The following TENM1 variants were observed in gnomAD, a reference collection of about 807,000 sequenced individuals.
TENM1 encodes the protein teneurin transmembrane protein 1.
In TENM1, 35 loss-of-function variants were observed where a neutral mutation model predicts 174.8. The ratio of observed to expected loss-of-function variants is 0.20; its 90% CI spans 0.15 to 0.27. TENM1 has a LOEUF of 0.27. Ranked by LOEUF, TENM1 falls within the 10% of genes least tolerant of loss-of-function variation. TENM1 has a pLI of 1.00. For missense variants in TENM1, 1,633 were observed against 2,130.1 expected, an observed-to-expected ratio of 0.77 and a Z score of 4.59; for synonymous variants, 781 against 798.7, an observed-to-expected ratio of 0.98 and a Z score of 0.37.
At chrX:124,392,536 G>T (rs915727437) in intron 27 of TENM1, among the ~76,000 whole-genome samples, 188 bp from the exon 31 acceptor site, 1 of 111,666 alleles carries the variant, frequency 9.0e-6, no homozygotes, top group Non-Finnish European at 1.9e-5. Context: ...CTCTCAGAGA[G>T]CAGGGCTATG....
At chrX:124,985,417 G>A in the TENM1 span, among the ~76,000 whole-genome samples, 14 of 112,149 alleles carry the variant, frequency 1.2e-4, no homozygotes, top group African/African-American at 4.5e-4. Context: ...TTGATGCAGT[G>A]TCACCTTAAA....
At chrX:124,663,454 T>C (rs1324792408) in intron 6 of TENM1, among the ~76,000 whole-genome samples, 3 of 112,380 alleles carry the variant, frequency 2.7e-5, no homozygotes, top group Non-Finnish European at 5.6e-5. Flanking sequence ...AAAAGGCTAG[T>C]AAATGTTTAA....
At chrX:124,540,885 A>G (rs1433281937) in intron 15 of TENM1, among the ~76,000 whole-genome samples, 1 of 111,603 alleles carries the variant, frequency 9.0e-6, no homozygotes, top group Non-Finnish European at 1.9e-5. Flanking sequence ...ACCTCCTGAT[A>G]TTGCTCCTTA....
intron 9 of TENM1, among the ~76,000 whole-genome samples, chrX:124,645,940 C>T (rs1271709040): frequency 9.0e-6 from 1 of 111,347 alleles, no homozygotes; most frequent in Admixed American, 9.6e-5. Flanking sequence ...CCCCCACCTC[C>T]TCAAGATCTA....
intron 22 of TENM1, among the ~76,000 whole-genome samples, chrX:124,470,845 T>A (rs1332539367): frequency 9.2e-6 from 1 of 108,942 alleles, no homozygotes; most frequent in African/African-American, 3.3e-5. Context: ...GAGAGCTGAG[T>A]CCTCAGAAAT....
intron 4 of TENM1, among the ~76,000 whole-genome samples, chrX:124,731,337 G>A (rs1260836337): frequency 1.8e-5 from 2 of 111,733 alleles, no homozygotes; most frequent in African/African-American, 6.5e-5. Context: ...GACTTGAAAT[G>A]GTAAAATCAA....
At chrX:124,760,180 C>T (rs1472766920) in intron 3 of TENM1, among the ~76,000 whole-genome samples, 3 of 111,758 alleles carry the variant, frequency 2.7e-5, no homozygotes. Context: ...GGCCTGTTAG[C>T]ATCTCACTTT....
chrX:125,117,741 T>G, the TENM1 span, among the ~76,000 whole-genome samples: 1 of 110,906 alleles, frequency 9.0e-6, no homozygotes, highest in East Asian at 2.9e-4. Flanking sequence ...TTGGCAAGGA[T>G]TCAGAGAAAA....
chrX:125,185,116 CAAAT>C, the TENM1 span, among the ~76,000 whole-genome samples: 1 of 111,817 alleles, frequency 8.9e-6, no homozygotes, highest in East Asian at 2.8e-4. Context: ...GAAGGGTAAA[CAAAT>C]GAATGCAATA....
chrX:124,409,944 C>T (rs1357423308), intron 25 of TENM1, among the ~76,000 whole-genome samples: 3 of 109,540 alleles, frequency 2.7e-5, no homozygotes, highest in Non-Finnish European at 3.8e-5. Context: ...GCCATACTGC[C>T]CAAGGTAATT....
intron 3 of TENM1, among the ~76,000 whole-genome samples, chrX:124,796,443 G>A (rs2055306691): frequency 9.0e-6 from 1 of 111,546 alleles, no homozygotes; most frequent in Non-Finnish European, 1.9e-5. Flanking sequence ...CACTATTTTG[G>A]AACAGATAAC....
the TENM1 span, among the ~76,000 whole-genome samples, chrX:125,039,104 C>T: frequency 9.0e-6 from 1 of 111,453 alleles, no homozygotes; most frequent in African/African-American, 3.2e-5. Flanking sequence ...TTTATCACAT[C>T]TCTATCTTTA....
chrX:124,532,014 G>C (rs2048119159), intron 15 of TENM1, among the ~76,000 whole-genome samples: 2 of 111,805 alleles, frequency 1.8e-5, no homozygotes, highest in South Asian at 7.6e-4. Flanking sequence ...TGAAGAGACT[G>C]TAGTGATGCC....
At chrX:124,513,335 C>G (rs2047626330) in intron 18 of TENM1, among the ~76,000 whole-genome samples, 1 of 111,530 alleles carries the variant, frequency 9.0e-6, no homozygotes, top group Admixed American at 9.6e-5. Flanking sequence ...TCATGTAACT[C>G]TGACCTCCCC....
intron 1 of TENM1, among the ~76,000 whole-genome samples, chrX:124,953,844 T>C (rs1245594477): frequency 1.8e-5 from 2 of 111,791 alleles, no homozygotes; most frequent in Non-Finnish European, 3.8e-5. Context: ...TATGGTACAG[T>C]TTTTAATCTA....
chrX:124,816,822 T>C (rs1220063992), intron 3 of TENM1, among the ~76,000 whole-genome samples: 1 of 111,268 alleles, frequency 9.0e-6, no homozygotes, highest in Non-Finnish European at 1.9e-5. Flanking sequence ...CCTCTTTTTA[T>C]TTTTATTATT....
chrX:124,645,719 T>C (rs1235714079), intron 9 of TENM1, among the ~76,000 whole-genome samples: 1 of 112,501 alleles, frequency 8.9e-6, no homozygotes, highest in Admixed American at 9.4e-5. Context: ...ATTAATGTTA[T>C]AAAATATTAT....
intron 1 of TENM1, among the ~76,000 whole-genome samples, chrX:124,922,126 CA>C (rs1170036074): frequency 2.7e-5 from 3 of 111,202 alleles, no homozygotes; most frequent in African/African-American, 9.8e-5. Flanking sequence ...TGAATTCTTA[CA>C]TGTCCTCAAA....
the TENM1 span, among the ~76,000 whole-genome samples, chrX:125,193,994 A>G: frequency 8.1e-5 from 9 of 110,539 alleles, no homozygotes; most frequent in African/African-American, 3.0e-4. Flanking sequence ...ATGTTGCCCA[A>G]GCTTGTCTGG....
Sources: gnomAD v4.1 joint callset for allele counts (sites outside exome capture counted in the v4.1 genomes callset) on GRCh38, gnomAD v4.1.1 for gene constraint, MANE v1.5 for transcripts, NCBI Gene and HGNC (gene_info 2026-07-23, HGNC 2026-07-21) for gene names.